Variants in RASA3 observed in about 807,000 individuals in gnomAD.
The protein encoded by RASA3 is RAS p21 protein activator 3.
In RASA3, 73 loss-of-function variants were observed where a neutral mutation model predicts 110.0. The ratio of observed to expected loss-of-function variants is 0.66; its 90% confidence interval spans 0.55 to 0.81. The LOEUF is 0.81. RASA3 is among the 30% of genes least tolerant of loss of function. RASA3 has a pLI of 0.00. For synonymous variants in RASA3, 500 were observed against 451.4 expected (o/e 1.11, Z -1.37); for missense variants, 976 against 1,113.2 (o/e 0.88, Z 1.75).
At chr13:113,993,767 C>T (rs1180080118) in intron 21 of RASA3, among the ~76,000 whole-genome samples, 1 of 141,828 alleles carries the variant, frequency 7.1e-6, no homozygotes, top group Non-Finnish European at 1.5e-5. Flanking sequence ...GAAATCACAC[C>T]ACTGCACTTC....
chr13:114,018,146 G>A lies in RASA3; in HGVS notation c.1049C>T (p.Pro350Leu), dbSNP rs1375187143. ...RLFLHYGRVV[P>L]FISAIASAEV... is the part of the protein sequence containing the mutation. ...CGCGCTGGCGATGGCACTGATGAAT[G>A]GCACCACCCTGCCATAGTGTAGGAA... is the stretch of plus-strand genomic sequence containing the variant. The change falls in exon 11 of 24, where the codon CCA becomes CTA. Residue 350 changes from proline (P) to leucine (L), a missense_variant. This residue lies in a region of RASA3 where 732 missense variants were observed against 779.7 expected (regional missense o/e 0.94). Coordinates refer to ENST00000334062, the MANE Select transcript of RASA3 (RefSeq NM_007368.4). The A allele has an allele frequency of 4.5e-6, 7 of 1,550,298 alleles. No homozygotes were observed. Among genetic ancestry groups the A allele is most frequent in the East Asian group, 4.9e-5 (2 of 40,900 alleles).
intron 18 of RASA3, among the ~76,000 whole-genome samples, chr13:114,004,647 G>A (rs927598199): frequency 6.6e-6 from 1 of 152,222 alleles, no homozygotes; most frequent in African/African-American, 2.4e-5. Context: ...AATGACAGAC[G>A]CTGCAGAGCT....
Position 114,011,039 on chromosome 13 carries a change from G to T in RASA3, c.1590+132C>A. The T allele has an allele frequency of 1.2e-6, 1 of 849,150 alleles. No homozygotes were observed. Among genetic ancestry groups the T allele is most frequent in the Non-Finnish European group, 1.9e-6 (1 of 524,638 alleles). The allele number at this position is 849,150 out of a possible 1,614,324, so 52.6% of individuals were successfully genotyped here. ...CAGGTCCTGGGTTTCAAGAGAGGAT[G>T]TGGTGCCGGCTTTGATTCTTGATCT... On this transcript the variant is annotated intron_variant, in intron 16 of 23. Transcript: ENST00000334062. The surrounding 1 kb of genome is among the most constrained non-coding windows in gnomAD (Gnocchi z 4.8).
intron 23 of RASA3, among the ~76,000 whole-genome samples, chr13:113,981,032 G>C (rs2052921721): frequency 6.6e-6 from 1 of 152,296 alleles, no homozygotes; most frequent in South Asian, 2.1e-4. Context: ...GTGGACCTGG[G>C]TACCCACTGG....
intron 2 of RASA3, among the ~76,000 whole-genome samples, chr13:114,054,151 AT>A (rs750430975): frequency 6.6e-6 from 1 of 152,240 alleles, no homozygotes; most frequent in Non-Finnish European, 1.5e-5. Context: ...AATTAAAAAA[AT>A]AAAAAGTGAA....
chr13:114,027,951 G>T, intron 5 of RASA3, 24 bp from the exon 6 acceptor site: 1 of 1,597,570 alleles, frequency 6.3e-7, no homozygotes, highest in Non-Finnish European at 8.6e-7. Context: ...CAGAGGCGGC[G>T]TCAGGAGGGA....
At chr13:114,020,526 A>G (rs1352731267) in intron 9 of RASA3, among the ~76,000 whole-genome samples, 1 of 152,210 alleles carries the variant, frequency 6.6e-6, no homozygotes, top group Non-Finnish European at 1.5e-5. Flanking sequence ...GCCCTCACAC[A>G]TGGCAGAGGG....
At position 114,013,033 on chromosome 13, in the gene RASA3, G is replaced by A. The variant is rs1303676228; in HGVS notation, c.1512+109C>T. ...TCCTGATTCCTCACACACTCCCCACGCATTCCACACTCCACACGGTCGGCC... is the reference window on the plus strand; with the variant it reads ...TCCTGATTCCTCACACACTCCCCACACATTCCACACTCCACACGGTCGGCC... On this transcript the variant is annotated intron_variant, in intron 15 of 23. Coordinates refer to ENST00000334062, the MANE Select transcript of RASA3 (RefSeq NM_007368.4). 44 of 794,878 alleles carry A rather than the reference G, an allele frequency of 5.5e-5. No homozygotes were observed. In the Admixed American group the frequency reaches 5.7e-4, roughly 10 times the overall value. The allele number at this position is 794,878 out of a possible 1,614,324, so 49.2% of individuals were successfully genotyped here. A position where few individuals can be genotyped will look rare whatever the true frequency, so the allele number is the denominator to read the frequency against.
chr13:114,024,561 G>A (rs2053992600), intron 7 of RASA3, among the ~76,000 whole-genome samples: 1 of 152,254 alleles, frequency 6.6e-6, no homozygotes, highest in Non-Finnish European at 1.5e-5. Context: ...CCCTGGAGGG[G>A]CAGACCCAGG....
chr13:114,004,095 G>A (rs2053461921), intron 18 of RASA3, among the ~76,000 whole-genome samples: 1 of 152,236 alleles, frequency 6.6e-6, no homozygotes, highest in Non-Finnish European at 1.5e-5. Flanking sequence ...TAAGTTAAAT[G>A]AAGGTGATTT....
At chr13:114,105,649 G>A (rs1333510467) in intron 1 of RASA3, among the ~76,000 whole-genome samples, 3 of 152,358 alleles carry the variant, frequency 2.0e-5, no homozygotes, top group Non-Finnish European at 2.9e-5. Flanking sequence ...CCCAGCCTGA[G>A]GCTGGACGGG....
intron 21 of RASA3, among the ~76,000 whole-genome samples, chr13:113,994,496 C>T (rs1393358140): frequency 6.6e-6 from 1 of 151,984 alleles, no homozygotes; most frequent in East Asian, 1.9e-4. Flanking sequence ...ATGAAGTGAC[C>T]AACATTAAAA....
chr13:114,058,591 C>G (rs2079285926), intron 2 of RASA3, among the ~76,000 whole-genome samples: 1 of 152,252 alleles, frequency 6.6e-6, no homozygotes, highest in Non-Finnish European at 1.5e-5. Flanking sequence ...CATCTCCTTC[C>G]CTCTCAGAGC....
At chr13:114,097,917 C>T (rs994806445) in intron 1 of RASA3, among the ~76,000 whole-genome samples, 10 of 152,324 alleles carry the variant, frequency 6.6e-5, no homozygotes, top group Non-Finnish European at 1.2e-4. Flanking sequence ...GCAGTGCAGA[C>T]GGCCGGGGCC....
intron 14 of RASA3, 99 bp from the exon 15 acceptor site, chr13:114,013,347 CCA>C: frequency 3.9e-6 from 3 of 778,970 alleles, no homozygotes; most frequent in Non-Finnish European, 6.4e-6. Context: ...GGAAGTCCAG[CCA>C]CAGTCCTGGC....
At chr13:114,012,366 CCA>C (rs1172778919) in intron 15 of RASA3, among the ~76,000 whole-genome samples, 1 of 151,168 alleles carries the variant, frequency 6.6e-6, no homozygotes, top group African/African-American at 2.4e-5. Context: ...ACTCCCCATT[CCA>C]CACACCTTCC....
At position 114,132,494 on chromosome 13, in the gene RASA3, C is replaced by G; in HGVS notation, c.-5G>C. 2 of 1,470,748 alleles carry G rather than the reference C, an allele frequency of 1.4e-6. No individual in the cohort carries two copies. The highest frequency in any genetic ancestry group is 1.8e-6 in the Non-Finnish European group (2 of 1,113,816). The allele number at this position is 1,470,748 out of a possible 1,614,324, so 91.1% of individuals were successfully genotyped here. ...CCCCTCGTCCTCCACCGCCATGCTGCGCGTCCGCGCCCGCCGAGCCTCGCC... is the reference window on the plus strand; with the variant it reads ...CCCCTCGTCCTCCACCGCCATGCTGGGCGTCCGCGCCCGCCGAGCCTCGCC... On this transcript the variant is annotated 5_prime_UTR_variant, in exon 1 of 24. Transcript: ENST00000334062.
At chr13:114,043,551 T>G (rs1427583399) in intron 3 of RASA3, among the ~76,000 whole-genome samples, 1 of 152,090 alleles carries the variant, frequency 6.6e-6, no homozygotes, top group Non-Finnish European at 1.5e-5. Context: ...AAGATCAGCC[T>G]GGTGACCTCA....
chr13:114,124,697 G>T (rs1035964636), intron 1 of RASA3, among the ~76,000 whole-genome samples: 2 of 152,368 alleles, frequency 1.3e-5, no homozygotes, highest in East Asian at 3.9e-4. Flanking sequence ...GCCTGTCACT[G>T]CTGGACGCCC....
Sources: allele counts gnomAD v4.1 joint callset (sites outside exome capture counted in the v4.1 genomes callset), GRCh38; gene constraint gnomAD v4.1.1; regional missense constraint gnomAD v4.1.1; non-coding constraint Gnocchi (gnomAD v3.1); transcripts MANE v1.5; gene names NCBI Gene and HGNC (gene_info 2026-07-23, HGNC 2026-07-21).